Variants in EFNA5 observed in about 807,000 individuals in gnomAD.
EFNA5 encodes the protein ephrin A5.
Under a neutral mutation model 22.9 loss-of-function variants are expected in EFNA5, and 5 were observed. That is an observed-to-expected ratio of 0.22 (90% confidence interval 0.11 to 0.46). EFNA5 has a LOEUF of 0.46. EFNA5 is among the 20% of genes least tolerant of loss of function. The pLI, the probability that EFNA5 is intolerant of heterozygous loss-of-function variation, is 0.99. For missense variants in EFNA5, 237 were observed against 293.3 expected, an observed-to-expected ratio of 0.81 and a Z score of 1.40; for synonymous variants, 113 against 112.2, an observed-to-expected ratio of 1.01 and a Z score of -0.04.
intron 1 of EFNA5, among the ~76,000 whole-genome samples, chr5:107,526,388 G>C (rs529134416): frequency 1.3e-4 from 20 of 152,286 alleles, no homozygotes; most frequent in African/African-American, 4.8e-4. Context: ...TGTAAGGTTT[G>C]CCTGAAAACA....
intron 2 of EFNA5, among the ~76,000 whole-genome samples, chr5:107,403,191 T>C (rs1030639582): frequency 6.6e-6 from 1 of 152,318 alleles, no homozygotes; most frequent in Non-Finnish European, 1.5e-5. Flanking sequence ...GTGTTTACTA[T>C]ACCCAAAAGA....
At chr5:107,659,266 GC>G (rs916420259) in intron 1 of EFNA5, among the ~76,000 whole-genome samples, 3 of 152,050 alleles carry the variant, frequency 2.0e-5, no homozygotes, top group African/African-American at 7.2e-5. Context: ...CATCTATTTG[GC>G]TTTGGTTTTA....
intron 1 of EFNA5, among the ~76,000 whole-genome samples, chr5:107,621,085 T>C (rs1324957201): frequency 2.0e-5 from 3 of 152,196 alleles, no homozygotes; most frequent in African/African-American, 7.2e-5. Context: ...AATCATCCTT[T>C]AGGAAATGTG....
chr5:107,606,625 A>G (rs1222943095), intron 1 of EFNA5, among the ~76,000 whole-genome samples: 2 of 151,972 alleles, frequency 1.3e-5, no homozygotes, highest in Non-Finnish European at 1.5e-5. Context: ...TCTGAGCCAC[A>G]TATTAGCTGT....
chr5:107,647,726 T>C (rs1750655330), intron 1 of EFNA5, among the ~76,000 whole-genome samples: 4 of 152,102 alleles, frequency 2.6e-5, no homozygotes, highest in Admixed American at 2.6e-4. Context: ...ATCAATCTAC[T>C]TGGATGAGAA....
At chr5:107,568,160 G>T (rs1323489849) in intron 1 of EFNA5, among the ~76,000 whole-genome samples, 1 of 152,118 alleles carries the variant, frequency 6.6e-6, no homozygotes, top group Non-Finnish European at 1.5e-5. Context: ...GCCTCCAAAA[G>T]TGCTGAGATT....
At chr5:107,412,221 C>T (rs1014404018) in intron 2 of EFNA5, among the ~76,000 whole-genome samples, 3 of 152,024 alleles carry the variant, frequency 2.0e-5, no homozygotes, top group African/African-American at 7.2e-5. Context: ...CTTGTGTCTC[C>T]GTGGTGTAAT....
intron 1 of EFNA5, among the ~76,000 whole-genome samples, chr5:107,596,331 T>C (rs2112508393): frequency 6.6e-6 from 1 of 152,308 alleles, no homozygotes; most frequent in South Asian, 2.1e-4. Flanking sequence ...TTCCAGAGCT[T>C]GACTACTTTA....
chr5:107,435,618 A>G (rs1749092205), intron 1 of EFNA5, among the ~76,000 whole-genome samples: 1 of 152,150 alleles, frequency 6.6e-6, no homozygotes, highest in Admixed American at 6.5e-5. Flanking sequence ...ATAATTTCAG[A>G]CCAATCCAGC....
chr5:107,391,625 CA>C (rs1288975854), intron 2 of EFNA5, among the ~76,000 whole-genome samples: 1 of 152,140 alleles, frequency 6.6e-6, no homozygotes, highest in African/African-American at 2.4e-5. Context: ...TCACATCATC[CA>C]AATTCACACC....
At chr5:107,618,290 TA>T (rs1051675725) in intron 1 of EFNA5, among the ~76,000 whole-genome samples, 2 of 152,210 alleles carry the variant, frequency 1.3e-5, no homozygotes, top group African/African-American at 4.8e-5. Flanking sequence ...TTGATAATAG[TA>T]AAAAAATGTG....
intron 1 of EFNA5, among the ~76,000 whole-genome samples, chr5:107,591,240 A>C (rs1449468713): frequency 2.6e-5 from 4 of 152,136 alleles, no homozygotes; most frequent in African/African-American, 4.8e-5. Context: ...CAACATTTAA[A>C]AGTCAATGTG....
intron 1 of EFNA5, among the ~76,000 whole-genome samples, chr5:107,623,489 C>A (rs1407775493): frequency 2.0e-5 from 3 of 151,970 alleles, no homozygotes. Context: ...TAATTTATAG[C>A]CCTAGAACAT....
intron 1 of EFNA5, among the ~76,000 whole-genome samples, chr5:107,580,211 A>T (rs1749012740): frequency 6.6e-6 from 1 of 152,232 alleles, no homozygotes; most frequent in South Asian, 2.1e-4. Flanking sequence ...ATCTGACAAG[A>T]CCTTATGAAC....
intron 1 of EFNA5, among the ~76,000 whole-genome samples, chr5:107,433,502 A>C (rs1196015803): frequency 6.6e-6 from 1 of 152,196 alleles, no homozygotes; most frequent in Admixed American, 6.5e-5. Flanking sequence ...AGAGCTGAAA[A>C]AGTGTGCTTC....
chr5:107,528,392 AT>A (rs1463269027), intron 1 of EFNA5, among the ~76,000 whole-genome samples: 1 of 150,690 alleles, frequency 6.6e-6, no homozygotes, highest in Non-Finnish European at 1.5e-5. Flanking sequence ...TAGTTTTTTT[AT>A]TGGCATTAAT....
intron 1 of EFNA5, among the ~76,000 whole-genome samples, chr5:107,497,289 G>A (rs1461572546): frequency 2.6e-5 from 4 of 152,208 alleles, no homozygotes; most frequent in African/African-American, 9.7e-5. Flanking sequence ...AAAATCAGGA[G>A]AGGATCAGAG....
chr5:107,410,022 CTTTTTTTTTTTTTTT>C (rs70996956), intron 2 of EFNA5, among the ~76,000 whole-genome samples: 1 of 88,002 alleles, frequency 1.1e-5, no homozygotes, highest in Non-Finnish European at 2.2e-5. Context: ...TGACATGATT[CTTTTTTTTTTTTTTT>C]TTTTTTTTTG....
intron 1 of EFNA5, among the ~76,000 whole-genome samples, chr5:107,436,209 C>T (rs933680444): frequency 1.3e-5 from 2 of 152,190 alleles, no homozygotes; most frequent in Non-Finnish European, 2.9e-5. Flanking sequence ...GTTCTCTCCT[C>T]CAGTGTTGTA....
Sources: allele counts gnomAD v4.1 joint callset (sites outside exome capture counted in the v4.1 genomes callset), GRCh38; gene constraint gnomAD v4.1.1; transcripts MANE v1.5; gene names NCBI Gene and HGNC (gene_info 2026-07-23, HGNC 2026-07-21).